ATP5F1B: variants seen among roughly 807,000 people sequenced by gnomAD.
The protein encoded by ATP5F1B is ATP synthase F(1) complex subunit beta, mitochondrial.
In ATP5F1B, 17 loss-of-function variants were observed where a neutral mutation model predicts 45.9. That is an observed-to-expected ratio of 0.37 (90% CI 0.25 to 0.56). The LOEUF is 0.56. Among genes scored for constraint, ATP5F1B ranks in the 20% least tolerant of loss-of-function variants. The pLI is 0.80. For synonymous variants in ATP5F1B, 218 were observed against 256.5 expected, an observed-to-expected ratio of 0.85 and a Z score of 1.43; for missense variants, 387 against 673.2, an observed-to-expected ratio of 0.57 and a Z score of 4.70.
rs535120539 is a variant in ATP5F1B, at chr12:56,643,013, G to A, written c.793-182C>T. 585 of 648,334 alleles carry A rather than the reference G, an allele frequency of 9.0e-4. 2 individuals are homozygous for A. Among genetic ancestry groups the A allele is most frequent in the Non-Finnish European group, 1.4e-3 (533 of 393,220 alleles). The allele number at this position is 648,334 out of a possible 1,614,324, so 40.2% of individuals were successfully genotyped here. On this transcript the variant is annotated intron_variant, in intron 5 of 9. Coordinates refer to ENST00000262030, the MANE Select transcript of ATP5F1B (RefSeq NM_001686.4). ...AAAAAAAAGACAGCTTCTTATATTAGTAAGGCAAAACTATAGTAGAAAGGA... is the reference window on the plus strand; with the variant it reads ...AAAAAAAAGACAGCTTCTTATATTAATAAGGCAAAACTATAGTAGAAAGGA...
At chr12:56,640,869 C>CT (rs1951506269) in intron 7 of ATP5F1B, among the ~76,000 whole-genome samples, 2 of 93,082 alleles carry the variant, frequency 2.1e-5, no homozygotes, top group East Asian at 3.2e-4. Flanking sequence ...GGGGTCTCTA[C>CT]TAAAAAAAAA....
rs901967218 is a variant in ATP5F1B at position 56,645,315 on chromosome 12, C to T, written c.166G>A (p.Ala56Thr). Residue 56 changes from alanine (A) to threonine (T), a missense_variant, in exon 2 of 10, where the codon GCA becomes ACA. Physicochemically the swap from Ala to Thr is moderately conservative, Grantham distance 58 (BLOSUM62 0). Around this residue, in one of 6 missense-constraint regions of ATP5F1B, gnomAD observed 113 missense variants for 168.0 expected, o/e 0.67. Transcript: ENST00000262030. ...ACGATGCGCCCGGTGGCGGCGCCTG[C>T]TTTTGGCGAAGGAGATGTTTGCGCC... is the stretch of plus-strand genomic sequence containing the variant. ...YAAQTSPSPK[A>T]GAATGRIVAV... 6.2e-7 allele frequency: 1 copy of T among 1,614,136 alleles called. No individual in the cohort carries two copies. Among genetic ancestry groups the T allele is most frequent in the Non-Finnish European group, 8.5e-7 (1 of 1,179,992 alleles).
intron 3 of ATP5F1B, 78 bp downstream of exon 3, chr12:56,644,703 G>T: frequency 6.8e-7 from 1 of 1,464,196 alleles, no homozygotes; most frequent in Non-Finnish European, 9.2e-7. Flanking sequence ...TCTGCTTTAG[G>T]AGAACATGTC....
intron 8 of ATP5F1B, 82 bp from the exon 9 acceptor site, chr12:56,639,389 G>T: frequency 7.5e-7 from 1 of 1,340,734 alleles, no homozygotes; most frequent in Middle Eastern, 2.5e-4. Context: ...TACATGCTAG[G>T]GGGCAGAGAA....
rs779025464 is a variant in ATP5F1B, at chr12:56,645,884, G to T, written c.80C>A (p.Pro27His). The change falls in exon 1 of 10, where the codon CCC (proline) becomes CAC (histidine). Residue 27 changes from proline to histidine, a missense_variant. Coordinates refer to ENST00000262030, the MANE Select transcript of ATP5F1B (RefSeq NM_001686.4). ...LRRLTPSASL[P>H]PAQLLLRAAP... The stretch of plus-strand genomic sequence containing the variant: ...GGCCCGCAGTAAGAGCTGAGCTGGG[G>T]GCAGCGACGCTGAAGGGGTGAGTCT... 8.1e-6 allele frequency: 13 copies of T among 1,608,556 alleles called. No individual in the cohort carries two copies. In the South Asian group the frequency reaches 1.3e-4, roughly 17 times the overall value.
chr12:56,644,317 T>C (rs1356558283), intron 3 of ATP5F1B, among the ~76,000 whole-genome samples: 1 of 144,694 alleles, frequency 6.9e-6, no homozygotes, highest in Non-Finnish European at 1.5e-5. Flanking sequence ...GTCTTAAAAA[T>C]ACTCAACTAG....
rs1453136738 is a variant in ATP5F1B at position 56,638,298 on chromosome 12, A to G, written c.*25T>C. On this transcript the variant is annotated 3_prime_UTR_variant, in exon 10 of 10. Transcript: ENST00000262030. ...CTTTTTGGGTTAGGGGCAAGGAGAG[A>G]GACAGTACAGAGGACAAAGACCCCT... is the stretch of plus-strand genomic sequence containing the variant. The G allele has an allele frequency of 3.8e-6, 6 of 1,595,250 alleles. No individual in the cohort carries two copies. In the South Asian group the frequency reaches 4.4e-5, roughly 12 times the overall value.
chr12:56,641,467 C>G (rs1423908150), intron 7 of ATP5F1B, among the ~76,000 whole-genome samples: 1 of 151,838 alleles, frequency 6.6e-6, no homozygotes, highest in Non-Finnish European at 1.5e-5. Context: ...CACATTTTTA[C>G]TATATGTAAA....
intron 7 of ATP5F1B, among the ~76,000 whole-genome samples, chr12:56,641,417 G>T (rs1951511096): frequency 6.6e-6 from 1 of 151,028 alleles, no homozygotes; most frequent in African/African-American, 2.4e-5. Flanking sequence ...TTGCACAATA[G>T]TTCATTACAC....
intron 8 of ATP5F1B, 155 bp downstream of exon 8, chr12:56,639,825 A>G: frequency 1.5e-6 from 1 of 688,962 alleles, no homozygotes; most frequent in South Asian, 1.9e-5. Context: ...AGTACCTGGA[A>G]ACTCAAGAGA....
rs202133944 is a variant in ATP5F1B at position 56,643,706 on chromosome 12, A to G, written c.608-119T>C. On this transcript the variant is annotated intron_variant, in intron 4 of 9. Coordinates refer to ENST00000262030, the MANE Select transcript of ATP5F1B (RefSeq NM_001686.4). Reference sequence around the variant, plus strand: ...CTTCTCAGAAATTGCATCTGGCTTCAGCAAACTCAGAAGAACGAAAGTCAG... The same window carrying G: ...CTTCTCAGAAATTGCATCTGGCTTCGGCAAACTCAGAAGAACGAAAGTCAG... 15 of 1,575,646 alleles carry G rather than the reference A, an allele frequency of 9.5e-6. No individual in the cohort carries two copies. In the East Asian group the frequency reaches 3.4e-4, roughly 35 times the overall value.
rs1302554346 is a variant in ATP5F1B at position 56,640,159 on chromosome 12, G to C, written c.1108C>G (p.Pro370Ala). 6.2e-7 allele frequency: 1 copy of C among 1,614,014 alleles called. No homozygotes were observed. Among genetic ancestry groups the C allele is most frequent in the Admixed American group, 1.7e-5 (1 of 59,994 alleles). The change falls in exon 8 of 10, where the codon CCT becomes GCT. Residue 370 changes from proline to alanine, a missense_variant. Pro to Ala is a conservative substitution (Grantham distance 27). Around this residue, in one of 6 missense-constraint regions of ATP5F1B, gnomAD observed 154 missense variants for 361.4 expected, o/e 0.43. Coordinates refer to ENST00000262030, the MANE Select transcript of ATP5F1B (RefSeq NM_001686.4). ...TGGGCAAACGTAGTAGCAGGGGCAG[G>C]GTCAGTCAAGTCATCAGCAGGCACA... ...IYVPADDLTD[P>A]APATTFAHLD...
chr12:56,642,631 A>T (rs779338647), intron 6 of ATP5F1B, 42 bp downstream of exon 6: 1 of 1,614,034 alleles, frequency 6.2e-7, no homozygotes, highest in African/African-American at 1.3e-5. Flanking sequence ...TCATCCGAAG[A>T]AAGGCCAGAT....
Position 56,643,425 on chromosome 12 carries a change from T to G in ATP5F1B, c.770A>C (p.Asn257Thr). 1.2e-6 allele frequency: 2 copies of G among 1,614,224 alleles called. No homozygotes were observed. The highest frequency in any genetic ancestry group is 4.5e-5 in the East Asian group (2 of 44,888). ...YHEMIESGVI[N>T]LKDATSKVAL... ...TACCTTAGAGGTGGCATCTTTTAAG[T>G]TGATAACACCAGATTCAATCATTTC... The change falls in exon 5 of 10, where the codon AAC becomes ACC. Residue 257 changes from asparagine to threonine, a missense_variant. Asn to Thr is a moderately conservative substitution (Grantham distance 65, BLOSUM62 0). This residue lies in a region of ATP5F1B where 154 missense variants were observed against 361.4 expected (regional missense o/e 0.43). Coordinates refer to ENST00000262030, the MANE Select transcript of ATP5F1B (RefSeq NM_001686.4).
rs777798405 is a variant in ATP5F1B at position 56,645,965 on chromosome 12, G to C, written c.-2C>G. ...CACCCGACCCACAAACCCCAACATG[G>C]CGTAGTCCGGGTGGAGACTGAAGGC... On this transcript the variant is annotated 5_prime_UTR_variant, in exon 1 of 10. Transcript: ENST00000262030. The C allele has an allele frequency of 6.3e-7, 1 of 1,599,170 alleles. No individual in the cohort carries two copies. Among genetic ancestry groups the C allele is most frequent in the South Asian group, 1.1e-5 (1 of 89,092 alleles).
In ATP5F1B at chr12:56,643,521, T is replaced by C. The variant is rs763560034; in HGVS notation, c.674A>G (p.Lys225Arg). 6.2e-7 allele frequency: 1 copy of C among 1,614,154 alleles called. No individual in the cohort carries two copies. Among genetic ancestry groups the C allele is most frequent in the South Asian group, 1.1e-5 (1 of 91,084 alleles). Residue 225 changes from lysine to arginine, a missense_variant, in exon 5 of 10, where the codon AAA (lysine) becomes AGA (arginine). Physicochemically the swap from Lys to Arg is conservative, Grantham distance 26 (BLOSUM62 2). Transcript: ENST00000262030. ...LIMELINNVA[K>R]AHGGYSVFAG... Reference sequence around the variant, plus strand: ...AAACACAGAGTAACCACCATGGGCTTTGGCGACATTGTTGATTAACTCCAT... The same window carrying C: ...AAACACAGAGTAACCACCATGGGCTCTGGCGACATTGTTGATTAACTCCAT...
In ATP5F1B at chr12:56,643,965, A is replaced by T. The variant is rs1325106366; in HGVS notation, c.486-7T>A. On this transcript the variant is annotated splice_polypyrimidine_tract_variant and splice_region_variant and intron_variant, in intron 3 of 9. Coordinates refer to ENST00000262030, the MANE Select transcript of ATP5F1B (RefSeq NM_001686.4). ...AGCATGAATGGGAGCAAATCTGTAAAGGTAGAAGAGAGGATAGTATCTATT... is the reference window on the plus strand; with the variant it reads ...AGCATGAATGGGAGCAAATCTGTAATGGTAGAAGAGAGGATAGTATCTATT... The T allele has an allele frequency of 2.5e-6, 4 of 1,613,570 alleles. No homozygotes were observed. The highest frequency in any genetic ancestry group is 3.3e-4 in the Middle Eastern group (2 of 6,056).
At chr12:56,643,676 T>C (rs1170317576) in intron 4 of ATP5F1B, 89 bp from the exon 5 acceptor site, 1 of 1,587,172 alleles carries the variant, frequency 6.3e-7, no homozygotes, top group Non-Finnish European at 8.6e-7. Context: ...CCTTCCATCC[T>C]ATTCCTTCTC....
chr12:56,638,545 TAGAA>T (rs1951488974), intron 9 of ATP5F1B, 122 bp from the exon 10 acceptor site: 2 of 765,406 alleles, frequency 2.6e-6, no homozygotes, highest in South Asian at 3.3e-5. Flanking sequence ...CATGTCATCT[TAGAA>T]AGCTTAAATT....
Sources: gnomAD v4.1 joint callset for allele counts (sites outside exome capture counted in the v4.1 genomes callset) on GRCh38, gnomAD v4.1.1 for gene constraint, gnomAD v4.1.1 regional missense constraint, MANE v1.5 for transcripts, NCBI Gene and HGNC (gene_info 2026-07-23, HGNC 2026-07-21) for gene names.